The following VTI1B variants were observed in gnomAD, a reference collection of about 807,000 sequenced individuals.
VTI1B encodes vesicle transport through interaction with t-SNAREs 1B.
In VTI1B, 18 loss-of-function variants were observed where a neutral mutation model predicts 28.6. That is an observed-to-expected ratio of 0.63 (90% confidence interval 0.43 to 0.93). The LOEUF (loss-of-function observed/expected upper bound fraction) is 0.93, where lower values mean the gene tolerates loss of function less well. VTI1B is among the 40% of genes least tolerant of loss of function. The probability of loss-of-function intolerance (pLI) is 0.00; values close to 1 mark genes in which losing one functional copy is unlikely to be tolerated. For missense variants in VTI1B, 283 were observed against 297.0 expected (o/e 0.95, Z 0.35); for synonymous variants, 100 against 107.9 (o/e 0.93, Z 0.46).
Position 67,660,012 on chromosome 14 carries a change from T to C in VTI1B, c.175-90A>G, listed in dbSNP as rs1041235458. On this transcript the variant is annotated intron_variant, in intron 2 of 5. Coordinates refer to ENST00000554659, the MANE Select transcript of VTI1B (RefSeq NM_006370.3). ...TAGTTTGGACTAATCAAACTACTTA[T>C]TTATTTGGACTACACCAAGTAAATA... The C allele has an allele frequency of 2.3e-6, 3 of 1,302,434 alleles. No individual in the cohort carries two copies. The African/African-American group carries it at 4.5e-5, about 19-fold the overall frequency. 80.7% of individuals were successfully genotyped at this position (1,302,434 alleles called of 1,614,324 possible). A position where few individuals can be genotyped will look rare whatever the true frequency, so the allele number is the denominator to read the frequency against.
At chr14:67,657,955 G>T (rs912762120) in intron 3 of VTI1B, among the ~76,000 whole-genome samples, 1 of 151,854 alleles carries the variant, frequency 6.6e-6, no homozygotes, top group Non-Finnish European at 1.5e-5. Flanking sequence ...CACCATGTTG[G>T]CCAGGCTGGT....
chr14:67,674,196 C>A (rs1040354778), intron 1 of VTI1B, among the ~76,000 whole-genome samples, 179 bp downstream of exon 1: 3 of 152,194 alleles, frequency 2.0e-5, no homozygotes, highest in African/African-American at 7.2e-5. Flanking sequence ...ATCCCGAGGT[C>A]CAATTTACTC....
Position 67,666,146 on chromosome 14 carries a change from C to T in VTI1B, c.116-3611G>A, listed in dbSNP as rs113676563. ...CTGATCCAAGCCAGACAGTAAGAAG[C>T]AGTACTGTACACATATGTACATTCC... On this transcript the variant is annotated intron_variant, in intron 1 of 5. Coordinates refer to ENST00000554659, the MANE Select transcript of VTI1B (RefSeq NM_006370.3). Among the ~76,000 whole-genome samples the T allele has an allele frequency of 3.4e-3, 511 of 152,354 alleles. 2 individuals are homozygous for T. The highest frequency in any genetic ancestry group is 0.012 in the African/African-American group (495 of 41,582).
chr14:67,670,772 C>T (rs1179357802), intron 1 of VTI1B, among the ~76,000 whole-genome samples: 2 of 152,080 alleles, frequency 1.3e-5, no homozygotes, highest in Non-Finnish European at 2.9e-5. Flanking sequence ...GTGATCCGCC[C>T]GCCTAGGCCT....
chr14:67,666,326 G>C (rs2037401808), intron 1 of VTI1B, among the ~76,000 whole-genome samples: 1 of 152,178 alleles, frequency 6.6e-6, no homozygotes, highest in Non-Finnish European at 1.5e-5. Flanking sequence ...TAAATGAAAG[G>C]GGGAGAAGAA....
At chr14:67,660,995 A>C (rs1487960477) in intron 2 of VTI1B, among the ~76,000 whole-genome samples, 1 of 152,190 alleles carries the variant, frequency 6.6e-6, no homozygotes, top group African/African-American at 2.4e-5. Context: ...GGTCTTTCTT[A>C]AAACAGATGC....
At chr14:67,654,025 A>C (rs1341948814) in intron 4 of VTI1B, among the ~76,000 whole-genome samples, 1 of 152,166 alleles carries the variant, frequency 6.6e-6, no homozygotes, top group African/African-American at 2.4e-5. Context: ...CAGCTGGAGG[A>C]TATTTCACCT....
Position 67,650,815 on chromosome 14 carries a change from T to G in VTI1B, c.*570A>C, listed in dbSNP as rs1451499408. 1 of 1,614,064 alleles carries G rather than the reference T, an allele frequency of 6.2e-7. No homozygotes were observed. The highest frequency in any genetic ancestry group is 1.1e-5 in the South Asian group (1 of 91,086). On this transcript the variant is annotated 3_prime_UTR_variant, in exon 6 of 6. Transcript: ENST00000554659. ...CTAACCTGGCAGTAGATGTGATTGC[T>G]TCAAGCTTTGGTCAGACAAGAGAAG...
At position 67,651,404 on chromosome 14, in the gene VTI1B, T is replaced by C. The variant is rs769799041; in HGVS notation, c.680A>G (p.Lys227Arg). ...LAILGGLVYYKFFRSH is the reference protein window; with the variant it reads ...LAILGGLVYYRFFRSH ...AGAAGTTCAATGGCTGCGAAAGAAT[T>C]TGTAGTAAACCAGGCCTCCCAGGAT... Residue 227 changes from lysine to arginine, a missense_variant, in exon 6 of 6, where the codon AAA becomes AGA. Transcript: ENST00000554659. 3.7e-6 allele frequency: 6 copies of C among 1,613,834 alleles called. No homozygotes were observed. Among genetic ancestry groups the C allele is most frequent in the South Asian group, 1.1e-5 (1 of 91,088 alleles).
chr14:67,652,991 A>G (rs530217889), intron 5 of VTI1B, among the ~76,000 whole-genome samples: 2 of 152,194 alleles, frequency 1.3e-5, no homozygotes, highest in East Asian at 1.9e-4. Flanking sequence ...GGGTTTCACC[A>G]TTTGAGCCAG....
At position 67,659,907 on chromosome 14, in the gene VTI1B, C is replaced by T. The variant is rs2037314735; in HGVS notation, c.190G>A (p.Glu64Lys). ...GACAGGGGTGCATAACGTAGCTCCT[C>T]CTCCATCTCTGCCAGCTGGGAAGGC... ...EANETLAEME[E>K]ELRYAPLSFR... is the part of the protein sequence containing the mutation. The change falls in exon 3 of 6, where the codon GAG becomes AAG. Residue 64 changes from glutamate (E) to lysine (K), a missense_variant. Coordinates refer to ENST00000554659, the MANE Select transcript of VTI1B (RefSeq NM_006370.3). The T allele has an allele frequency of 1.2e-6, 2 of 1,613,150 alleles. No individual in the cohort carries two copies. The highest frequency in any genetic ancestry group is 1.7e-5 in the Admixed American group (1 of 59,886).
chr14:67,671,694 A>G (rs2140035934), intron 1 of VTI1B, among the ~76,000 whole-genome samples: 1 of 152,318 alleles, frequency 6.6e-6, no homozygotes, highest in Admixed American at 6.5e-5. Context: ...TAAAGAAAAT[A>G]AATGTATTTC....
At chr14:67,651,684 GAC>G (rs2037179681) in intron 5 of VTI1B, 7 of 437,068 alleles carry the variant, frequency 1.6e-5, no homozygotes, top group Non-Finnish European at 2.4e-5. Flanking sequence ...GTTAAACTGA[GAC>G]AATAAAAACC....
chr14:67,663,180 A>C, intron 1 of VTI1B: 1 of 1,530,788 alleles, frequency 6.5e-7, no homozygotes, highest in Non-Finnish European at 8.7e-7. Context: ...CCTAAAAATT[A>C]CTAATCTCCC....
intron 5 of VTI1B, among the ~76,000 whole-genome samples, chr14:67,652,024 C>A (rs536505374): frequency 6.6e-6 from 1 of 152,188 alleles, no homozygotes; most frequent in Non-Finnish European, 1.5e-5. Flanking sequence ...CTAGGTTTCT[C>A]CCTAGTCCAC....
Position 67,647,194 on chromosome 14 carries a change from G to A in VTI1B, c.*4191C>T, listed in dbSNP as rs2037112141. On this transcript the variant is annotated 3_prime_UTR_variant, in exon 6 of 6. Coordinates refer to ENST00000554659, the MANE Select transcript of VTI1B (RefSeq NM_006370.3). ...AAACACAGGTCATATTCTTCCTCTG[G>A]GGTTTTTGGGAGGAGGTTTCCTCTA... 1.9e-6 allele frequency: 1 copy of A among 514,666 alleles called. No homozygotes were observed. The highest frequency in any genetic ancestry group is 3.2e-5 in the South Asian group (1 of 31,034). 31.9% of individuals were successfully genotyped at this position (514,666 alleles called of 1,614,324 possible). A position where few individuals can be genotyped will look rare whatever the true frequency, so the allele number is the denominator to read the frequency against.
chr14:67,663,006 T>C, intron 1 of VTI1B: 1 of 1,411,922 alleles, frequency 7.1e-7, no homozygotes, highest in Non-Finnish European at 9.2e-7. Context: ...ACTACTTTTC[T>C]GCAAAATAAA....
At chr14:67,673,160 T>G in intron 1 of VTI1B, among the ~76,000 whole-genome samples, 1 of 152,306 alleles carries the variant, frequency 6.6e-6, no homozygotes, top group African/African-American at 2.4e-5. Flanking sequence ...CTGGCCAACA[T>G]GGCAAAACCC....
chr14:67,663,280 C>A, intron 1 of VTI1B: 1 of 898,254 alleles, frequency 1.1e-6, no homozygotes, highest in Non-Finnish European at 1.7e-6. Context: ...ATAGTTTATA[C>A]TACAGGTTTT....
Sources: gnomAD v4.1 joint callset for allele counts (sites outside exome capture counted in the v4.1 genomes callset) on GRCh38, gnomAD v4.1.1 for gene constraint, MANE v1.5 for transcripts, NCBI Gene and HGNC (gene_info 2026-07-23, HGNC 2026-07-21) for gene names.